PID1: variants seen among roughly 807,000 people sequenced by gnomAD.
PID1 encodes phosphotyrosine interaction domain containing 1.
A neutral mutation model predicts 19.1 loss-of-function variants in PID1; 10 were observed. The ratio of observed to expected loss-of-function variants is 0.52; its 90% CI spans 0.32 to 0.89. PID1 has a LOEUF of 0.89. Ranked by LOEUF, PID1 falls within the 40% of genes least tolerant of loss-of-function variation. The probability of loss-of-function intolerance (pLI) is 0.03; values close to 1 mark genes in which losing one functional copy is unlikely to be tolerated. For missense variants in PID1, 248 were observed against 285.3 expected, an observed-to-expected ratio of 0.87 and a Z score of 0.94; for synonymous variants, 130 against 116.0, an observed-to-expected ratio of 1.12 and a Z score of -0.78.
At chr2:229,043,531 A>T (rs1164813488) in intron 2 of PID1, among the ~76,000 whole-genome samples, 1 of 152,244 alleles carries the variant, frequency 6.6e-6, no homozygotes, top group African/African-American at 2.4e-5. Context: ...TTTTGAGACG[A>T]ACGGCTACTT....
chr2:229,185,433 G>A (rs1380917330), intron 1 of PID1, among the ~76,000 whole-genome samples: 2 of 152,130 alleles, frequency 1.3e-5, no homozygotes, highest in Non-Finnish European at 2.9e-5. Context: ...GTATTAGTCT[G>A]TTTTCATGCT....
At chr2:229,053,018 G>C (rs1694026293) in intron 2 of PID1, among the ~76,000 whole-genome samples, 1 of 152,096 alleles carries the variant, frequency 6.6e-6, no homozygotes, top group African/African-American at 2.4e-5. Context: ...AATTTTGTGA[G>C]ATTTTAGTCA....
chr2:229,161,030 C>T (rs1261562161), intron 1 of PID1, among the ~76,000 whole-genome samples: 1 of 152,060 alleles, frequency 6.6e-6, no homozygotes, highest in Admixed American at 6.6e-5. Flanking sequence ...AGTTCCTTGC[C>T]CCCAACACTG....
At chr2:229,210,468 G>T (rs1264556804) in intron 1 of PID1, among the ~76,000 whole-genome samples, 1 of 129,790 alleles carries the variant, frequency 7.7e-6, no homozygotes, top group African/African-American at 2.9e-5. Flanking sequence ...AGTGAGCTGA[G>T]ATCGTGCCAC....
chr2:229,087,505 G>C (rs761912467), intron 2 of PID1, among the ~76,000 whole-genome samples: 24 of 152,200 alleles, frequency 1.6e-4, no homozygotes, highest in Non-Finnish European at 3.4e-4. Context: ...CCTGATCCCA[G>C]TACAGGCTGC....
chr2:229,031,227 A>AAAAAAAAAAAG (rs1693547006), intron 2 of PID1, among the ~76,000 whole-genome samples: 1 of 150,488 alleles, frequency 6.6e-6, no homozygotes, highest in Non-Finnish European at 1.5e-5. Context: ...AAAAAAAAAA[A>AAAAAAAAAAAG]AAAAAAGAAA....
intron 1 of PID1, among the ~76,000 whole-genome samples, chr2:229,233,251 C>T (rs1006816750): frequency 2.6e-5 from 4 of 152,008 alleles, no homozygotes; most frequent in Non-Finnish European, 5.9e-5. Context: ...TTGTTCAAAG[C>T]TGGAGAGGTT....
intron 1 of PID1, among the ~76,000 whole-genome samples, chr2:229,262,326 AC>A (rs1234819267): frequency 6.6e-6 from 1 of 152,092 alleles, no homozygotes; most frequent in Non-Finnish European, 1.5e-5. Flanking sequence ...TTTCCAGAGG[AC>A]CTTCCCTGAG....
intron 2 of PID1, among the ~76,000 whole-genome samples, chr2:229,141,664 G>A (rs1186761752): frequency 3.3e-5 from 5 of 152,060 alleles, no homozygotes; most frequent in Admixed American, 2.6e-4. Flanking sequence ...TAATTTCAGT[G>A]GGATTTTCAG....
At chr2:229,080,947 C>A (rs1297585392) in intron 2 of PID1, among the ~76,000 whole-genome samples, 4 of 152,174 alleles carry the variant, frequency 2.6e-5, no homozygotes, top group Admixed American at 6.5e-5. Flanking sequence ...CTTCCCAGTA[C>A]CTTCCTGTCC....
intron 2 of PID1, among the ~76,000 whole-genome samples, chr2:229,069,550 C>T (rs1694409990): frequency 6.6e-6 from 1 of 152,174 alleles, no homozygotes; most frequent in African/African-American, 2.4e-5. Flanking sequence ...TTCTCCAAGG[C>T]ACAATGTATA....
intron 1 of PID1, chr2:229,227,900 G>C (rs1050608971): frequency 1.6e-5 from 7 of 447,580 alleles, no homozygotes; most frequent in Middle Eastern, 3.4e-4. Context: ...TAGAGATGAT[G>C]GAAAATATAC....
chr2:229,201,521 A>G (rs1691498968), intron 1 of PID1, among the ~76,000 whole-genome samples: 1 of 151,904 alleles, frequency 6.6e-6, no homozygotes, highest in East Asian at 1.9e-4. Context: ...TTATCCTTTC[A>G]CCTGTCAATG....
intron 1 of PID1, among the ~76,000 whole-genome samples, chr2:229,189,467 G>A (rs1691209748): frequency 6.6e-6 from 1 of 152,236 alleles, no homozygotes; most frequent in African/African-American, 2.4e-5. Context: ...GGCCAAGGCA[G>A]GTGGATCACC....
In PID1 at chr2:229,155,587, AC is replaced by A. The variant is rs770100951; in HGVS notation, c.177+230del. 4.6e-5 allele frequency among the ~76,000 whole-genome samples: 7 copies of A among 151,916 alleles called. 1 individual carries two copies. Among genetic ancestry groups the A allele is most frequent in the Non-Finnish European group, 2.9e-5 (2 of 67,946 alleles). On this transcript the variant is annotated intron_variant, in intron 2 of 2. Coordinates refer to ENST00000392055, the MANE Select transcript of PID1 (RefSeq NM_001100818.2). ...GACTCCGTCTCAAAAAAAAACAAAA[AC>A]AAAAAAACCCTAGGTCTTTAATGCG...
intron 1 of PID1, among the ~76,000 whole-genome samples, chr2:229,208,082 C>T (rs1691647361): frequency 6.6e-6 from 1 of 152,182 alleles, no homozygotes; most frequent in African/African-American, 2.4e-5. Context: ...CACAAATAAT[C>T]AGTTTGCTTT....
chr2:229,225,327 T>C (rs563796246), intron 1 of PID1, among the ~76,000 whole-genome samples: 1 of 152,288 alleles, frequency 6.6e-6, no homozygotes, highest in South Asian at 2.1e-4. Context: ...ATTACAGTAA[T>C]GCATGGGTTA....
chr2:229,096,546 C>G (rs1405321136), intron 2 of PID1, among the ~76,000 whole-genome samples: 1 of 152,124 alleles, frequency 6.6e-6, no homozygotes, highest in African/African-American at 2.4e-5. Flanking sequence ...AGGATTAAAG[C>G]TCTGACTCAT....
intron 2 of PID1, among the ~76,000 whole-genome samples, chr2:229,095,030 G>A (rs904325847): frequency 2.0e-5 from 3 of 152,060 alleles, no homozygotes; most frequent in African/African-American, 7.2e-5. Flanking sequence ...AGACAATAAT[G>A]ATTTGAGTAA....
Sources: gnomAD v4.1 joint callset for allele counts (sites outside exome capture counted in the v4.1 genomes callset) on GRCh38, gnomAD v4.1.1 for gene constraint, MANE v1.5 for transcripts, NCBI Gene and HGNC (gene_info 2026-07-23, HGNC 2026-07-21) for gene names.